The following HSPA12A variants were observed in gnomAD, a reference collection of about 807,000 sequenced individuals.
HSPA12A encodes the protein heat shock 70 kDa protein 12A.
In HSPA12A, 28 loss-of-function variants were observed where a neutral mutation model predicts 69.2. The ratio of observed to expected loss-of-function variants is 0.40; its 90% CI spans 0.30 to 0.55. The LOEUF (loss-of-function observed/expected upper bound fraction) is 0.55. HSPA12A is among the 20% of genes least tolerant of loss of function. The pLI is 0.38. For missense variants in HSPA12A, 686 were observed against 900.7 expected (o/e 0.76, Z 3.05); for synonymous variants, 345 against 370.5 (o/e 0.93, Z 0.79).
At chr10:116,733,079 C>G (rs1851211006) in intron 1 of HSPA12A, among the ~76,000 whole-genome samples, 1 of 152,172 alleles carries the variant, frequency 6.6e-6, no homozygotes, top group African/African-American at 2.4e-5. Context: ...AAACTGATAA[C>G]CATCATCCCT....
At chr10:116,677,534 C>G (rs564707654) in intron 10 of HSPA12A, among the ~76,000 whole-genome samples, 1 of 152,194 alleles carries the variant, frequency 6.6e-6, no homozygotes, top group Non-Finnish European at 1.5e-5. Flanking sequence ...GGATTCCAAA[C>G]AGAGGACAGG....
intron 2 of HSPA12A, among the ~76,000 whole-genome samples, chr10:116,791,918 T>C (rs1844708210): frequency 6.6e-6 from 1 of 152,070 alleles, no homozygotes; most frequent in Non-Finnish European, 1.5e-5. Context: ...AGCTTATCGA[T>C]TAGCTGGGCA....
At chr10:116,773,696 G>T (rs898283173) in intron 2 of HSPA12A, among the ~76,000 whole-genome samples, 4 of 152,332 alleles carry the variant, frequency 2.6e-5, no homozygotes, top group Admixed American at 6.5e-5. Context: ...TCACTGACTT[G>T]CCCCAAGAAG....
chr10:116,817,342 A>G (rs1344650220), intron 2 of HSPA12A, among the ~76,000 whole-genome samples: 1 of 152,238 alleles, frequency 6.6e-6, no homozygotes, highest in African/African-American at 2.4e-5. Context: ...AATTAAAACA[A>G]TGGCATTCCA....
chr10:116,690,320 G>A (rs76278364), intron 6 of HSPA12A, among the ~76,000 whole-genome samples: 1 of 152,182 alleles, frequency 6.6e-6, no homozygotes, highest in African/African-American at 2.4e-5. Context: ...TGCCTTGGTT[G>A]GGTATAGAAT....
At chr10:116,689,218 G>A (rs975997799) in intron 6 of HSPA12A, among the ~76,000 whole-genome samples, 99 of 119,574 alleles carry the variant, frequency 8.3e-4, no homozygotes, top group African/African-American at 3.3e-3. Context: ...TGGCAGGTGG[G>A]AGGTTCAAGT....
chr10:116,764,969 G>A (rs1210918693), intron 2 of HSPA12A, among the ~76,000 whole-genome samples: 1 of 152,198 alleles, frequency 6.6e-6, no homozygotes, highest in African/African-American at 2.4e-5. Flanking sequence ...TATTGGTGCT[G>A]TAATTCTGAA....
At chr10:116,755,548 G>A (rs1843817610) in intron 2 of HSPA12A, among the ~76,000 whole-genome samples, 1 of 147,646 alleles carries the variant, frequency 6.8e-6, no homozygotes, top group East Asian at 2.0e-4. Flanking sequence ...GCAGGCGGAG[G>A]TTGCAGTGAG....
intron 1 of HSPA12A, among the ~76,000 whole-genome samples, chr10:116,835,668 G>A (rs1845696826): frequency 6.6e-6 from 1 of 152,182 alleles, no homozygotes; most frequent in Non-Finnish European, 1.5e-5. Context: ...GTTCACCTGT[G>A]GATTTCTAGA....
At chr10:116,714,426 C>T (rs10787719) in intron 1 of HSPA12A, among the ~76,000 whole-genome samples, 122,793 of 152,028 alleles carry the variant, frequency 0.81, 51,311 homozygotes, top group Non-Finnish European at 0.92. Context: ...TCTCATTCTA[C>T]CCCCAAGCCC....
At chr10:116,735,352 A>C (rs1243615912) in intron 1 of HSPA12A, among the ~76,000 whole-genome samples, 1 of 152,180 alleles carries the variant, frequency 6.6e-6, no homozygotes, top group Admixed American at 6.5e-5. Flanking sequence ...CCATCCCTCT[A>C]TCTGAGCTGG....
intron 1 of HSPA12A, among the ~76,000 whole-genome samples, chr10:116,836,912 T>C (rs1352081815): frequency 2.0e-5 from 3 of 150,082 alleles, no homozygotes; most frequent in Non-Finnish European, 2.9e-5. Context: ...GGGACACCCA[T>C]ATAGGGTCCA....
At chr10:116,824,825 G>A (rs1845472239) in intron 2 of HSPA12A, among the ~76,000 whole-genome samples, 1 of 151,916 alleles carries the variant, frequency 6.6e-6, no homozygotes, top group African/African-American at 2.4e-5. Flanking sequence ...GTAGAGATGG[G>A]GTTTCACCAT....
At chr10:116,782,266 T>C (rs1159108116) in intron 2 of HSPA12A, among the ~76,000 whole-genome samples, 1 of 152,174 alleles carries the variant, frequency 6.6e-6, no homozygotes, top group African/African-American at 2.4e-5. Flanking sequence ...CGGGGATCTT[T>C]ACACAAAGCT....
intron 2 of HSPA12A, among the ~76,000 whole-genome samples, chr10:116,803,338 C>T (rs1486185318): frequency 1.3e-5 from 2 of 152,216 alleles, no homozygotes; most frequent in Non-Finnish European, 2.9e-5. Flanking sequence ...AGGGGCCACG[C>T]AGAGTGGTGA....
intron 2 of HSPA12A, among the ~76,000 whole-genome samples, chr10:116,833,907 T>TCTAG (rs1248377843): frequency 6.6e-6 from 1 of 152,162 alleles, no homozygotes; most frequent in Non-Finnish European, 1.5e-5. Context: ...GAGAAAAAAA[T>TCTAG]CTAGCATCTG....
rs1844810130 is a variant in HSPA12A at position 116,795,873 on chromosome 10, G to A, written c.91+39062C>T. 3.3e-5 allele frequency among the ~76,000 whole-genome samples: 5 copies of A among 150,208 alleles called. 1 individual carries two copies. In the South Asian group the frequency reaches 6.3e-4, roughly 19 times the overall value. On this transcript the variant is annotated intron_variant, in intron 2 of 12. Transcript: ENST00000635765. ...TTGTTATGAAAATTAAAGGCCGGGC[G>A]CGGTGGCTCATGCCTGTAATCCTAG... is the stretch of plus-strand genomic sequence containing the variant.
intron 1 of HSPA12A, among the ~76,000 whole-genome samples, chr10:116,713,834 C>T (rs1850521592): frequency 6.6e-6 from 1 of 152,178 alleles, no homozygotes; most frequent in Non-Finnish European, 1.5e-5. Context: ...CCTCCAGCAT[C>T]CAGCATTTGA....
chr10:116,847,023 T>C (rs906363503), intron 1 of HSPA12A, among the ~76,000 whole-genome samples: 2 of 152,346 alleles, frequency 1.3e-5, no homozygotes, highest in East Asian at 3.9e-4. Flanking sequence ...GATTCGTCTG[T>C]TCTTACAACT....
Sources: allele counts gnomAD v4.1 joint callset (sites outside exome capture counted in the v4.1 genomes callset), GRCh38; gene constraint gnomAD v4.1.1; transcripts MANE v1.5; gene names NCBI Gene and HGNC (gene_info 2026-07-23, HGNC 2026-07-21).